Variants in FOLR3 observed in about 807,000 individuals in gnomAD.
FOLR3 encodes folate receptor 3 (gamma).
A neutral mutation model predicts 20.0 loss-of-function variants in FOLR3; 9 were observed. That is an observed-to-expected ratio of 0.45 (90% CI 0.27 to 0.79). The LOEUF (loss-of-function observed/expected upper bound fraction) is 0.79. FOLR3 is among the 30% of genes least tolerant of loss of function. The pLI is 0.15. For synonymous variants in FOLR3, 124 were observed against 115.5 expected (o/e 1.07, Z -0.47); for missense variants, 309 against 323.5 (o/e 0.96, Z 0.34).
intron 3 of FOLR3, 46 bp downstream of exon 3, chr11:72,139,195 G>A: frequency 6.3e-7 from 1 of 1,580,358 alleles, no homozygotes; most frequent in Non-Finnish European, 8.6e-7. Context: ...AGAGGGCGGA[G>A]CCTGCCAGTT....
chr11:72,139,457 G>A lies in FOLR3; in HGVS notation c.468G>A (p.Trp156Ter), dbSNP rs762168263. The A allele has an allele frequency of 1.2e-6, 2 of 1,613,578 alleles. No homozygotes were observed. The highest frequency in any genetic ancestry group is 1.7e-6 in the Non-Finnish European group (2 of 1,179,702). Residue 156 changes from tryptophan (W) to a stop codon, truncating the protein, a stop_gained, in exon 4 of 5, where the codon TGG (tryptophan) becomes TGA (stop). Transcript: ENST00000611028. LOFTEE classifies it low-confidence loss of function (END_TRUNC). The part of the protein sequence containing the change: ...CRTSYTCKSN[W>*]HKGWNWTSGI... ...CCTCCTACACCTGCAAAAGCAACTG[G>A]CACAAAGGCTGGAATTGGACCTCAG...
chr11:72,139,362 C>T lies in FOLR3; in HGVS notation c.373C>T (p.Arg125Cys), dbSNP rs760787092. The change falls in exon 4 of 5, where the codon CGC becomes TGC. Residue 125 changes from arginine to cysteine, a missense_variant. Arg to Cys is a radical substitution (Grantham distance 180). Transcript: ENST00000611028. ...PWIRQVNQSW[R>C]KERILNVPLC... Reference sequence around the variant, plus strand: ...CCCCACTCAGGTCAACCAGAGCTGGCGCAAAGAGCGCATTCTGAACGTGCC... The same window carrying T: ...CCCCACTCAGGTCAACCAGAGCTGGTGCAAAGAGCGCATTCTGAACGTGCC... 8.1e-6 allele frequency: 13 copies of T among 1,611,210 alleles called. No individual in the cohort carries two copies. The Admixed American group carries it at 1.2e-4, about 15-fold the overall frequency.
At chr11:72,137,626 G>A (rs1947757915) in intron 2 of FOLR3, among the ~76,000 whole-genome samples, 1 of 151,922 alleles carries the variant, frequency 6.6e-6, no homozygotes, top group East Asian at 1.9e-4. Flanking sequence ...TGAGTAGCTG[G>A]GATTACAGGC....
chr11:72,135,869 G>T, intron 1 of FOLR3, 78 bp from the exon 2 acceptor site: 1 of 1,445,300 alleles, frequency 6.9e-7, no homozygotes, highest in Non-Finnish European at 9.6e-7. Flanking sequence ...CTGGGCCTGG[G>T]AGGGAGAGAG....
In FOLR3 at chr11:72,139,014, G is replaced by C. The variant is rs1289595366; in HGVS notation, c.222G>C (p.Leu74=). 1 of 1,613,988 alleles carries C rather than the reference G, an allele frequency of 6.2e-7. No individual in the cohort carries two copies. The highest frequency in any genetic ancestry group is 1.1e-5 in the South Asian group (1 of 91,086). ...GCACGGCCAGCACCAGCCAGGAGCT[G>C]CACAAGGACACCTCCCGCCTGTACA... ...ACCTASTSQE[L]HKDTSRLYNF... Residue 74 remains leucine, a synonymous_variant, in exon 3 of 5, where the codon CTG becomes CTC. Coordinates refer to ENST00000611028, the MANE Select transcript of FOLR3 (RefSeq NM_000804.4).
rs752960236 is a variant in FOLR3, at chr11:72,136,106, G to C, written c.154G>C (p.Glu52Gln). The C allele has an allele frequency of 1.9e-6, 3 of 1,613,960 alleles. No individual in the cohort carries two copies. The highest frequency in any genetic ancestry group is 2.5e-6 in the Non-Finnish European group (3 of 1,179,948). The change falls in exon 2 of 5, where the codon GAG becomes CAG. Residue 52 changes from glutamate to glutamine, a missense_variant. Physicochemically the swap from Glu to Gln is conservative, Grantham distance 29. Transcript: ENST00000611028. Reference sequence around the variant, plus strand: ...CAAGACACAGCCCAGCCCCGAGGACGAGCTGTATGGCCAGGTGAGGGCAGC... The same window carrying C: ...CAAGACACAGCCCAGCCCCGAGGACCAGCTGTATGGCCAGGTGAGGGCAGC... ...HHKTQPSPED[E>Q]LYGQCSPWKK...
rs2135363594 is a variant in FOLR3, at chr11:72,139,138, T to C, written c.346T>C (p.Trp116Arg). Residue 116 changes from tryptophan (W) to arginine (R), a missense_variant, in exon 3 of 5, where the codon TGG (tryptophan) becomes CGG (arginine). Trp to Arg is a moderately radical substitution (Grantham distance 101, BLOSUM62 -3). Transcript: ENST00000611028. ...TGAGTGCTCACCCAACCTGGGGCCC[T>C]GGATCCGGCAGGTATGAGTGCTGTT... ...LYECSPNLGP[W>R]IRQVNQSWRK... The C allele has an allele frequency of 2.5e-6, 4 of 1,613,100 alleles. No homozygotes were observed. The highest frequency in any genetic ancestry group is 3.3e-4 in the Middle Eastern group (2 of 6,058).
chr11:72,139,802 GCC>G lies in FOLR3; in HGVS notation c.712_713del (p.Pro238ValfsTer6), dbSNP rs1265448116. The G allele has an allele frequency of 8.1e-6, 13 of 1,613,890 alleles. No homozygotes were observed. In the African/African-American group the frequency reaches 1.6e-4, roughly 20 times the overall value. On this transcript the variant is annotated frameshift_variant, in exon 5 of 5. Transcript: ENST00000611028. LOFTEE classifies it low-confidence loss of function (END_TRUNC). ...KFYAAAMNAG[A>X]PSRGIIDS ...CTATGCTGCGGCCATGAATGCTGGG[GCC>G]CCGTCTCGTGGGATTATTGATTCCT...
intron 2 of FOLR3, 27 bp downstream of exon 2, chr11:72,136,147 A>G: frequency 6.2e-7 from 1 of 1,612,968 alleles, no homozygotes. Context: ...GTAGGACAGC[A>G]TGCACACAGG....
rs189330558 is a variant in FOLR3, at chr11:72,139,786, G to T, written c.693G>T (p.Ala231=). The T allele has an allele frequency of 6.2e-7, 1 of 1,614,076 alleles. No individual in the cohort carries two copies. The highest frequency in any genetic ancestry group is 1.7e-5 in the Admixed American group (1 of 60,012). The change falls in exon 5 of 5, where the codon GCG becomes GCT. Residue 231 remains alanine (A), a synonymous_variant. Coordinates refer to ENST00000611028, the MANE Select transcript of FOLR3 (RefSeq NM_000804.4). ...AGGAGGTGGCCAAGTTCTATGCTGC[G>T]GCCATGAATGCTGGGGCCCCGTCTC... ...PNEEVAKFYA[A]AMNAGAPSRG... is the part of the protein sequence containing the mutation.
Position 72,139,493 on chromosome 11 carries a change from G to A in FOLR3, c.493+11G>A, listed in dbSNP as rs554459007. The A allele has an allele frequency of 1.2e-5, 19 of 1,613,880 alleles. No homozygotes were observed. The East Asian group carries it at 3.8e-4, about 32-fold the overall frequency. On this transcript the variant is annotated intron_variant, in intron 4 of 4. Coordinates refer to ENST00000611028, the MANE Select transcript of FOLR3 (RefSeq NM_000804.4). ...GGAATTGGACCTCAGGTGAGGACCT[G>A]AGGAGATAAGATGAGGAGTGGGAGT... is the stretch of plus-strand genomic sequence containing the variant.
In FOLR3 at chr11:72,139,050, G is replaced by T. The variant is rs938892813; in HGVS notation, c.258G>T (p.Trp86Cys). The change falls in exon 3 of 5, where the codon TGG becomes TGT. Residue 86 changes from tryptophan to cysteine, a missense_variant. Trp to Cys is a radical substitution (Grantham distance 215). Transcript: ENST00000611028. ...CCTCCCGCCTGTACAACTTTAACTG[G>T]GATCACTGTGGTAAGATGGAACCCA... The part of the protein sequence containing the change: ...KDTSRLYNFN[W>C]DHCGKMEPTC... 9 of 1,613,992 alleles carry T rather than the reference G, an allele frequency of 5.6e-6. No homozygotes were observed. The highest frequency in any genetic ancestry group is 6.8e-6 in the Non-Finnish European group (8 of 1,179,886).
At chr11:72,138,105 G>C (rs982685036) in intron 2 of FOLR3, among the ~76,000 whole-genome samples, 1 of 152,144 alleles carries the variant, frequency 6.6e-6, no homozygotes, top group African/African-American at 2.4e-5. Context: ...GGTGACTCAC[G>C]CCTGTAATCC....
In FOLR3 at chr11:72,139,765, G is replaced by A. The variant is rs988361754; in HGVS notation, c.672G>A (p.Glu224=). ...CAGCCCAGGGCAACCCCAATGAGGA[G>A]GTGGCCAAGTTCTATGCTGCGGCCA... The part of the protein sequence containing the change: ...FDSAQGNPNE[E]VAKFYAAAMN... Residue 224 remains glutamate, a synonymous_variant, in exon 5 of 5, where the codon GAG becomes GAA. Coordinates refer to ENST00000611028, the MANE Select transcript of FOLR3 (RefSeq NM_000804.4). 3.7e-5 allele frequency: 59 copies of A among 1,614,030 alleles called. No homozygotes were observed. The highest frequency in any genetic ancestry group is 4.7e-5 in the Non-Finnish European group (56 of 1,180,022).
chr11:72,138,016 A>G (rs999079402), intron 2 of FOLR3, among the ~76,000 whole-genome samples: 1 of 152,098 alleles, frequency 6.6e-6, no homozygotes, highest in African/African-American at 2.4e-5. Context: ...CCTGATGTAT[A>G]ATCAGCACTC....
chr11:72,137,345 T>C (rs1218866525), intron 2 of FOLR3, among the ~76,000 whole-genome samples: 2 of 151,942 alleles, frequency 1.3e-5, no homozygotes, highest in Non-Finnish European at 2.9e-5. Flanking sequence ...AGGCTATAGC[T>C]CCTTCGTTCT....
chr11:72,138,828 C>A, intron 2 of FOLR3, 133 bp from the exon 3 acceptor site: 1 of 1,002,508 alleles, frequency 1.0e-6, no homozygotes. Context: ...TGCCTCCGTC[C>A]CCAGGTGGGA....
At position 72,139,672 on chromosome 11, in the gene FOLR3, G is replaced by A; in HGVS notation, c.579G>A (p.Trp193Ter). The change falls in exon 5 of 5, where the codon TGG (tryptophan) becomes TGA (stop). Residue 193 changes from tryptophan to a stop codon, truncating the protein, a stop_gained. Coordinates refer to ENST00000611028, the MANE Select transcript of FOLR3 (RefSeq NM_000804.4). LOFTEE classifies it low-confidence loss of function (END_TRUNC). ...CAGCCGCCCTTTGTGAAGGCCTCTG[G>A]AGCCACTCCTTCAAGGTCAGCAACT... Reference protein sequence around the residue: ...PTPAALCEGLWSHSFKVSNYS... With the variant: ...PTPAALCEGL 4 of 1,613,602 alleles carry A rather than the reference G, an allele frequency of 2.5e-6. No homozygotes were observed. The highest frequency in any genetic ancestry group is 3.4e-6 in the Non-Finnish European group (4 of 1,179,914).
Position 72,139,042 on chromosome 11 carries a change from T to G in FOLR3, c.250T>G (p.Phe84Val), listed in dbSNP as rs1385315780. ...LHKDTSRLYN[F>V]NWDHCGKMEP... ...CAAGGACACCTCCCGCCTGTACAAC[T>G]TTAACTGGGATCACTGTGGTAAGAT... The change falls in exon 3 of 5, where the codon TTT becomes GTT. Residue 84 changes from phenylalanine to valine, a missense_variant. Physicochemically the swap from Phe to Val is conservative, Grantham distance 50 (BLOSUM62 -1). Coordinates refer to ENST00000611028, the MANE Select transcript of FOLR3 (RefSeq NM_000804.4). The G allele has an allele frequency of 9.3e-6, 15 of 1,613,892 alleles. No homozygotes were observed. The highest frequency in any genetic ancestry group is 1.0e-5 in the Non-Finnish European group (12 of 1,179,896).
Sources: allele counts gnomAD v4.1 joint callset (sites outside exome capture counted in the v4.1 genomes callset), GRCh38; gene constraint gnomAD v4.1.1; transcripts MANE v1.5; gene names NCBI Gene and HGNC (gene_info 2026-07-23, HGNC 2026-07-21).